Variants in FRMD4A observed in about 807,000 individuals in gnomAD.
FRMD4A encodes the protein FERM domain containing 4A.
Under a neutral mutation model 129.1 loss-of-function variants are expected in FRMD4A, and 29 were observed. The ratio of observed to expected loss-of-function variants is 0.22; its 90% CI spans 0.17 to 0.31. The LOEUF is 0.31. Among genes scored for constraint, FRMD4A ranks in the 10% least tolerant of loss-of-function variants. The pLI is 1.00. For missense variants in FRMD4A, 1,272 were observed against 1,375.8 expected (o/e 0.92, Z 1.19); for synonymous variants, 634 against 571.6 (o/e 1.11, Z -1.56).
chr10:14,077,690 A>G (rs2131727231), intron 2 of FRMD4A, among the ~76,000 whole-genome samples: 1 of 152,324 alleles, frequency 6.6e-6, no homozygotes, highest in Admixed American at 6.5e-5. Flanking sequence ...CATTGGAGCA[A>G]TCTCCCCTTA....
chr10:13,835,335 T>C (rs1466117547), intron 3 of FRMD4A, among the ~76,000 whole-genome samples: 2 of 152,228 alleles, frequency 1.3e-5, no homozygotes, highest in Non-Finnish European at 2.9e-5. Flanking sequence ...ATGCCTGGCA[T>C]GTAAACAGTC....
intron 6 of FRMD4A, among the ~76,000 whole-genome samples, chr10:13,781,382 TTTTTTTTTTTTC>T (rs1344345436): frequency 0.021 from 2,541 of 122,746 alleles, 100 homozygotes; most frequent in African/African-American, 0.098. Context: ...TTTTTTTTTT[TTTTTTTTTTTTC>T]TGAGACAGAG....
At chr10:14,012,713 ACG>A (rs1341378226) in intron 2 of FRMD4A, among the ~76,000 whole-genome samples, 1 of 152,148 alleles carries the variant, frequency 6.6e-6, no homozygotes, top group African/African-American at 2.4e-5. Context: ...GGGTGCTGGC[ACG>A]GACATGCAGC....
At chr10:14,185,618 A>AG (rs1842094041) in intron 2 of FRMD4A, among the ~76,000 whole-genome samples, 1 of 80,628 alleles carries the variant, frequency 1.2e-5, no homozygotes, top group African/African-American at 4.5e-5. Context: ...CAGAAAGGGG[A>AG]TATATACTTC....
intron 9 of FRMD4A, among the ~76,000 whole-genome samples, chr10:13,743,358 C>A (rs2091116422): frequency 6.6e-6 from 1 of 152,150 alleles, no homozygotes. Context: ...CAACAGCTGC[C>A]TTGGCGTGTT....
At chr10:14,196,625 C>T (rs533277873) in intron 2 of FRMD4A, among the ~76,000 whole-genome samples, 36 of 152,208 alleles carry the variant, frequency 2.4e-4, no homozygotes, top group Non-Finnish European at 4.6e-4. Flanking sequence ...ACACTGACAT[C>T]TATGTGGTTG....
intron 6 of FRMD4A, among the ~76,000 whole-genome samples, chr10:13,782,478 C>T (rs1409546841): frequency 6.6e-6 from 1 of 150,732 alleles, no homozygotes; most frequent in African/African-American, 2.4e-5. Flanking sequence ...GGAGTCTCCG[C>T]CTGTCACCAG....
At chr10:14,109,751 C>A (rs1256605276) in intron 2 of FRMD4A, among the ~76,000 whole-genome samples, 1 of 152,082 alleles carries the variant, frequency 6.6e-6, no homozygotes, top group African/African-American at 2.4e-5. Context: ...GTGGGCAGAT[C>A]ACTTGAGGTC....
At chr10:14,202,973 A>AT (rs1224072672) in intron 2 of FRMD4A, among the ~76,000 whole-genome samples, 1 of 151,908 alleles carries the variant, frequency 6.6e-6, no homozygotes, top group African/African-American at 2.4e-5. Flanking sequence ...GGGTTTTTCC[A>AT]TGTTGCCTAG....
At chr10:14,322,294 C>G (rs1843091180) in intron 2 of FRMD4A, among the ~76,000 whole-genome samples, 1 of 152,124 alleles carries the variant, frequency 6.6e-6, no homozygotes, top group Non-Finnish European at 1.5e-5. Context: ...AAAGCAAGGA[C>G]TCCAAGGCTA....
At chr10:13,863,231 AG>A (rs1415058127) in intron 2 of FRMD4A, among the ~76,000 whole-genome samples, 1 of 152,222 alleles carries the variant, frequency 6.6e-6, no homozygotes, top group Non-Finnish European at 1.5e-5. Flanking sequence ...AAGACTGTGC[AG>A]AAACATGTAA....
At chr10:14,075,695 T>C (rs1279120119) in intron 2 of FRMD4A, among the ~76,000 whole-genome samples, 1 of 152,240 alleles carries the variant, frequency 6.6e-6, no homozygotes, top group Non-Finnish European at 1.5e-5. Context: ...TATACCTTTA[T>C]ATCCATATGC....
intron 6 of FRMD4A, among the ~76,000 whole-genome samples, chr10:13,774,476 T>A (rs2092546660): frequency 6.6e-6 from 1 of 152,146 alleles, no homozygotes; most frequent in Non-Finnish European, 1.5e-5. Context: ...AGTGCAGGAA[T>A]TACATGGAAT....
intron 2 of FRMD4A, among the ~76,000 whole-genome samples, chr10:14,297,403 A>C (rs1846044367): frequency 6.6e-6 from 1 of 151,978 alleles, no homozygotes; most frequent in South Asian, 2.1e-4. Flanking sequence ...AGGCAGACCC[A>C]GGAGTAAAGT....
chr10:13,711,511 C>G (rs548109440), intron 12 of FRMD4A, among the ~76,000 whole-genome samples: 21 of 152,328 alleles, frequency 1.4e-4, no homozygotes, highest in Admixed American at 4.6e-4. Flanking sequence ...TCTGCCTCTC[C>G]GCATAAAAAC....
intron 2 of FRMD4A, among the ~76,000 whole-genome samples, chr10:14,059,413 C>G (rs575026253): frequency 2.0e-5 from 3 of 152,246 alleles, no homozygotes; most frequent in African/African-American, 7.2e-5. Context: ...GGGTGAGGCC[C>G]TGATTGGATA....
At chr10:13,845,623 C>T (rs923960810) in intron 3 of FRMD4A, among the ~76,000 whole-genome samples, 3 of 152,068 alleles carry the variant, frequency 2.0e-5, no homozygotes, top group Non-Finnish European at 2.9e-5. Context: ...GCAGTCTGGC[C>T]GAGGCCTCTG....
intron 2 of FRMD4A, among the ~76,000 whole-genome samples, chr10:13,894,000 T>G (rs2094730117): frequency 6.6e-6 from 1 of 152,018 alleles, no homozygotes; most frequent in African/African-American, 2.4e-5. Flanking sequence ...TCCCTCCTCC[T>G]CCCCAAAGCC....
In FRMD4A at chr10:13,688,845, G is replaced by T. The variant is rs535143194; in HGVS notation, c.1117+5053C>A. On this transcript the variant is annotated intron_variant, in intron 15 of 24. Coordinates refer to ENST00000357447, the MANE Select transcript of FRMD4A (RefSeq NM_018027.5). ...TAACTCTCCTGCCTCAGCCTCCCAA[G>T]TATCTGGGATTATGGGTGTGTAATT... Among the ~76,000 whole-genome samples the T allele has an allele frequency of 2.6e-5, 4 of 152,210 alleles. 1 individual carries two copies. In the East Asian group the frequency reaches 7.7e-4, roughly 29 times the overall value.
Sources: gnomAD v4.1 joint callset for allele counts (sites outside exome capture counted in the v4.1 genomes callset) on GRCh38, gnomAD v4.1.1 for gene constraint, MANE v1.5 for transcripts, NCBI Gene and HGNC (gene_info 2026-07-23, HGNC 2026-07-21) for gene names.